The following PDIA3 variants were observed in gnomAD, a reference collection of about 807,000 sequenced individuals.
PDIA3 encodes protein disulfide-isomerase A3.
A neutral mutation model predicts 56.9 loss-of-function variants in PDIA3; 16 were observed. The observed-to-expected ratio is 0.28, with a 90% CI of 0.19 to 0.43. The LOEUF is 0.43. PDIA3 is among the 20% of genes least tolerant of loss of function. The pLI, the probability that PDIA3 is intolerant of heterozygous loss-of-function variation, is 1.00. For missense variants in PDIA3, 485 were observed against 621.3 expected (o/e 0.78, Z 2.33); for synonymous variants, 192 against 216.5 (o/e 0.89, Z 0.99).
At chr15:43,748,075 G>C (rs889602227) in intron 1 of PDIA3, among the ~76,000 whole-genome samples, 2 of 152,184 alleles carry the variant, frequency 1.3e-5, no homozygotes, top group African/African-American at 4.8e-5. Flanking sequence ...AACTGGGGGT[G>C]TCACTAAGTT....
rs2086850599 is a variant in PDIA3, at chr15:43,766,897, CAGG to C, written c.1021_1023del (p.Glu341del). On this transcript the variant is annotated inframe_deletion, in exon 8 of 13. Coordinates refer to ENST00000300289, the MANE Select transcript of PDIA3 (RefSeq NM_005313.5). The stretch of plus-strand genomic sequence containing the variant: ...TGCTAAAGGAGAGAAGTTTGTCATG[CAGG>C]AGGAGTTCTCGTGAGTTGCTAGTTG... 6.2e-7 allele frequency: 1 copy of C among 1,613,926 alleles called. No individual in the cohort carries two copies. Among genetic ancestry groups the C allele is most frequent in the African/African-American group, 1.3e-5 (1 of 74,926 alleles).
At position 43,773,221 on chromosome 15, in the gene PDIA3, G is replaced by T; in HGVS notation, c.*2003G>T. On this transcript the variant is annotated 3_prime_UTR_variant, in exon 13 of 13. Coordinates refer to ENST00000300289, the MANE Select transcript of PDIA3 (RefSeq NM_005313.5). Reference sequence around the variant, plus strand: ...GACGCTTTTCTTCTCTGTAACTTGGGTACTGCTGCAGAGAAAAAGCATCCA... The same window carrying T: ...GACGCTTTTCTTCTCTGTAACTTGGTTACTGCTGCAGAGAAAAAGCATCCA... 6.2e-7 allele frequency: 1 copy of T among 1,613,800 alleles called. No homozygotes were observed.
chr15:43,750,075 C>CTTTGCTTGCT (rs751732306), intron 1 of PDIA3, among the ~76,000 whole-genome samples: 1,453 of 135,342 alleles, frequency 0.011, 22 homozygotes, highest in African/African-American at 0.036. Context: ...GCTTTGCTTG[C>CTTTGCTTGCT]TTTTTTTTTT....
intron 1 of PDIA3, among the ~76,000 whole-genome samples, chr15:43,747,554 G>A (rs1378359902): frequency 6.6e-6 from 1 of 151,002 alleles, no homozygotes; most frequent in African/African-American, 2.4e-5. Context: ...CAACTTGAGT[G>A]TTTGTTTTTT....
At chr15:43,765,676 T>C in intron 6 of PDIA3, 110 bp downstream of exon 6, 2 of 873,216 alleles carry the variant, frequency 2.3e-6, no homozygotes, top group East Asian at 4.8e-5. Context: ...TTTGGGGGGA[T>C]TGTAATAGTA....
chr15:43,746,997 A>G (rs981424035), intron 1 of PDIA3: 4 of 504,354 alleles, frequency 7.9e-6, no homozygotes, highest in African/African-American at 3.9e-5. Flanking sequence ...CCCTTCCCCC[A>G]GTCCAATATG....
At chr15:43,748,092 ATCTG>A (rs1429916410) in intron 1 of PDIA3, among the ~76,000 whole-genome samples, 1 of 152,204 alleles carries the variant, frequency 6.6e-6, no homozygotes, top group Admixed American at 6.5e-5. Context: ...AGTTTGTCAG[ATCTG>A]AGTGATGCTT....
At chr15:43,751,629 T>C (rs1014901427) in intron 1 of PDIA3, 33 of 1,304,104 alleles carry the variant, frequency 2.5e-5, no homozygotes, top group Admixed American at 1.1e-4. Flanking sequence ...TCCAGCCTCA[T>C]TGAAACTCTT....
chr15:43,755,610 C>T (rs1252581427), intron 2 of PDIA3, among the ~76,000 whole-genome samples: 2 of 151,940 alleles, frequency 1.3e-5, no homozygotes. Flanking sequence ...AGCAGCTTGC[C>T]ATAGGAAAAA....
rs778100067 is a variant in PDIA3 at position 43,756,684 on chromosome 15, A to G, written c.282A>G (p.Lys94=). The change falls in exon 3 of 13, where the codon AAA becomes AAG. Residue 94 remains lysine (K), a synonymous_variant. Coordinates refer to ENST00000300289, the MANE Select transcript of PDIA3 (RefSeq NM_005313.5). ...DCTANTNTCN[K]YGVSGYPTLK... Reference sequence around the variant, plus strand: ...CTGCCAACACTAACACCTGTAATAAATATGGAGTCAGTGGATATCCAACCC... The same window carrying G: ...CTGCCAACACTAACACCTGTAATAAGTATGGAGTCAGTGGATATCCAACCC... 2.5e-6 allele frequency: 4 copies of G among 1,608,060 alleles called. No individual in the cohort carries two copies. Among genetic ancestry groups the G allele is most frequent in the Middle Eastern group, 2.3e-4 (1 of 4,436 alleles).
chr15:43,770,384 T>A (rs1178416624), intron 11 of PDIA3, 55 bp downstream of exon 11: 1 of 1,470,956 alleles, frequency 6.8e-7, no homozygotes, highest in African/African-American at 1.4e-5. Flanking sequence ...GAATAAAGCT[T>A]GTAACCACCA....
At chr15:43,750,295 C>T (rs1020933201) in intron 1 of PDIA3, among the ~76,000 whole-genome samples, 10 of 149,376 alleles carry the variant, frequency 6.7e-5, no homozygotes, top group African/African-American at 1.2e-4. Flanking sequence ...GGATTTCAGG[C>T]GTGAGCCACC....
At position 43,758,291 on chromosome 15, in the gene PDIA3, G is replaced by A. The variant is rs533865194; in HGVS notation, c.364+1525G>A. The stretch of plus-strand genomic sequence containing the variant: ...TGTTGGTATGGATGTAGAGAAATTG[G>A]AAACTTTGTGCACTATTAGGAATGT... On this transcript the variant is annotated intron_variant, in intron 3 of 12. Transcript: ENST00000300289. Among the ~76,000 whole-genome samples, 4 of 152,186 alleles carry A rather than the reference G, an allele frequency of 2.6e-5. No homozygotes were observed. In the East Asian group the frequency reaches 7.7e-4, roughly 29 times the overall value.
Position 43,771,265 on chromosome 15 carries a change from TG to T in PDIA3, c.*50del. The T allele has an allele frequency of 8.0e-7, 1 of 1,253,312 alleles. No homozygotes were observed. Among genetic ancestry groups the T allele is most frequent in the South Asian group, 1.2e-5 (1 of 81,076 alleles). 77.6% of individuals were successfully genotyped at this position (1,253,312 alleles called of 1,614,324 possible). A position where few individuals can be genotyped will look rare whatever the true frequency, so the allele number is the denominator to read the frequency against. On this transcript the variant is annotated 3_prime_UTR_variant, in exon 13 of 13. Coordinates refer to ENST00000300289, the MANE Select transcript of PDIA3 (RefSeq NM_005313.5). ...TGTAAAAGGACTCTTCCATCAGAGA[TG>T]GGAAAACCATTGGGGAGGACTAGGA...
intron 4 of PDIA3, among the ~76,000 whole-genome samples, chr15:43,761,925 A>G (rs1315563203): frequency 1.3e-5 from 2 of 152,134 alleles, no homozygotes; most frequent in African/African-American, 4.8e-5. Context: ...GACTGAAAAT[A>G]AGGTTTTAAG....
At chr15:43,749,526 G>A (rs1464147881) in intron 1 of PDIA3, among the ~76,000 whole-genome samples, 2 of 152,184 alleles carry the variant, frequency 1.3e-5, no homozygotes, top group Non-Finnish European at 2.9e-5. Context: ...TGGCCCTGTT[G>A]TGCATTCCTG....
At chr15:43,770,390 C>A in intron 11 of PDIA3, 61 bp downstream of exon 11, 2 of 1,448,358 alleles carry the variant, frequency 1.4e-6, no homozygotes, top group South Asian at 1.1e-5. Context: ...AGCTTGTAAC[C>A]ACCAGGAAAT....
At chr15:43,750,634 G>A (rs1276972804) in intron 1 of PDIA3, among the ~76,000 whole-genome samples, 1 of 151,736 alleles carries the variant, frequency 6.6e-6, no homozygotes, top group Non-Finnish European at 1.5e-5. Context: ...AGTTAGCTGG[G>A]CGTGGTAGCA....
chr15:43,751,818 G>A (rs536025222), intron 1 of PDIA3: 1 of 1,183,436 alleles, frequency 8.4e-7, no homozygotes, highest in South Asian at 1.3e-5. Flanking sequence ...TAAGCATCTA[G>A]AGTTGACACC....
Sources: allele counts gnomAD v4.1 joint callset (sites outside exome capture counted in the v4.1 genomes callset), GRCh38; gene constraint gnomAD v4.1.1; transcripts MANE v1.5; gene names NCBI Gene and HGNC (gene_info 2026-07-23, HGNC 2026-07-21).